Variants in SCNN1B observed in about 807,000 individuals in gnomAD.
The protein encoded by SCNN1B is epithelial sodium channel subunit beta.
Under a neutral mutation model 65.3 loss-of-function variants are expected in SCNN1B, and 46 were observed. The ratio of observed to expected loss-of-function variants is 0.70; its 90% CI spans 0.56 to 0.90. The LOEUF (loss-of-function observed/expected upper bound fraction) is 0.90, where lower values mean the gene tolerates loss of function less well. Among genes scored for constraint, SCNN1B ranks in the 40% least tolerant of loss-of-function variants. The pLI, the probability that SCNN1B is intolerant of heterozygous loss-of-function variation, is 0.00. For synonymous variants in SCNN1B, 349 were observed against 330.6 expected (o/e 1.06, Z -0.60); for missense variants, 751 against 830.5 (o/e 0.90, Z 1.18).
intron 1 of SCNN1B, among the ~76,000 whole-genome samples, chr16:23,311,154 T>C (rs1439664184): frequency 2.0e-5 from 3 of 152,244 alleles, no homozygotes; most frequent in African/African-American, 4.8e-5. Context: ...TATCTCTGCA[T>C]TGGGCACAAC....
At chr16:23,313,362 T>A (rs910939385) in intron 1 of SCNN1B, among the ~76,000 whole-genome samples, 2 of 152,198 alleles carry the variant, frequency 1.3e-5, no homozygotes, top group Non-Finnish European at 2.9e-5. Flanking sequence ...GTATTCTTGT[T>A]GGATCTTATG....
chr16:23,282,317 A>C (rs999107815), intron 1 of SCNN1B, among the ~76,000 whole-genome samples: 1 of 152,220 alleles, frequency 6.6e-6, no homozygotes, highest in Non-Finnish European at 1.5e-5. Context: ...AACATTTATT[A>C]GGTGCCAAGA....
chr16:23,304,806 C>A (rs1961160263), intron 1 of SCNN1B, among the ~76,000 whole-genome samples: 1 of 152,170 alleles, frequency 6.6e-6, no homozygotes, highest in Admixed American at 6.5e-5. Flanking sequence ...CTAGTTCAGG[C>A]AATTCCCTTC....
chr16:23,329,693 T>G (rs1961770721), intron 1 of SCNN1B, among the ~76,000 whole-genome samples: 1 of 152,130 alleles, frequency 6.6e-6, no homozygotes, highest in Admixed American at 6.6e-5. Context: ...CCTGACCAAC[T>G]CCCCAGTAAG....
rs1218632161 is a variant in SCNN1B at position 23,377,581 on chromosome 16, TCCCTCCC to T, written c.1404+196_1404+202del. 0.029 allele frequency among the ~76,000 whole-genome samples: 4,201 copies of T among 146,512 alleles called. 223 individuals carry two copies. The highest frequency in any genetic ancestry group is 0.1 in the African/African-American group (3,984 of 39,454). On this transcript the variant is annotated intron_variant, in intron 10 of 12. Coordinates refer to ENST00000343070, the MANE Select transcript of SCNN1B (RefSeq NM_000336.3). ...TCCTTCCTCCTCTCTTTTCCCTTCCTCCCTCCCTTCTCCCTTCCTTCCTTCCTTCTTT... is the reference window on the plus strand; with the variant it reads ...TCCTTCCTCCTCTCTTTTCCCTTCCTTTCTCCCTTCCTTCCTTCCTTCTTT...
At chr16:23,294,227 C>T (rs1960964419) in intron 2 of SCNN1B, among the ~76,000 whole-genome samples, 1 of 151,892 alleles carries the variant, frequency 6.6e-6, no homozygotes, top group Non-Finnish European at 1.5e-5. Context: ...TATTTTTAGT[C>T]TCTACTAAAA....
chr16:23,289,184 T>C (rs1960890038), intron 2 of SCNN1B, among the ~76,000 whole-genome samples: 1 of 152,230 alleles, frequency 6.6e-6, no homozygotes, highest in South Asian at 2.1e-4. Context: ...CCTTCGAAGA[T>C]GACTGAGGAG....
At chr16:23,288,333 C>T (rs1351282766) in intron 2 of SCNN1B, among the ~76,000 whole-genome samples, 1 of 152,148 alleles carries the variant, frequency 6.6e-6, no homozygotes, top group African/African-American at 2.4e-5. Context: ...TACAAATTTT[C>T]AAAATAATAA....
intron 2 of SCNN1B, among the ~76,000 whole-genome samples, chr16:23,293,450 A>G (rs549632729): frequency 6.6e-6 from 1 of 152,222 alleles, no homozygotes; most frequent in Non-Finnish European, 1.5e-5. Flanking sequence ...CACTTATACG[A>G]GGTCCCTAAG....
chr16:23,380,000 G>A, intron 11 of SCNN1B, 94 bp from the exon 12 acceptor site: 1 of 911,624 alleles, frequency 1.1e-6, no homozygotes, highest in Non-Finnish European at 1.8e-6. Context: ...GTGTGCACGT[G>A]CATGTGTGTG....
Position 23,323,941 on chromosome 16 carries a change from C to T in SCNN1B, c.-9+21504C>T, listed in dbSNP as rs576220510. On this transcript the variant is annotated intron_variant, in intron 1 of 12. Transcript: ENST00000343070. ...GCAACCACCTACACATTTCATCCTT[C>T]TTTCTCCCTAATGAATTACAGTAGC... Among the ~76,000 whole-genome samples, 16 of 152,328 alleles carry T rather than the reference C, an allele frequency of 1.1e-4. 1 individual carries two copies. The highest frequency in any genetic ancestry group is 3.8e-4 in the African/African-American group (16 of 41,574).
At chr16:23,324,210 C>T (rs1961646079) in intron 1 of SCNN1B, among the ~76,000 whole-genome samples, 1 of 145,736 alleles carries the variant, frequency 6.9e-6, no homozygotes. Flanking sequence ...TTTTTTGAGA[C>T]AGGGTCTTGC....
In SCNN1B at chr16:23,305,943, G is replaced by A. The variant is rs1050860698; in HGVS notation, c.-9+3506G>A. Among the ~76,000 whole-genome samples, 3 of 152,004 alleles carry A rather than the reference G, an allele frequency of 2.0e-5. No individual in the cohort carries two copies. The East Asian group carries it at 5.8e-4, about 30-fold the overall frequency. On this transcript the variant is annotated intron_variant, in intron 1 of 12. Transcript: ENST00000343070. ...ATCTCTATCTCCCAGCTATGCAGTG[G>A]ATTAATTACAAGTTTCAGGCCAGGC...
rs530646354 is a variant in SCNN1B, at chr16:23,340,168, T to A, written c.-8-8424T>A. ...AACTGTTTGTCTTATTATTTAGTTG[T>A]AAGAGTTCTTTATATATTCCGCATA... On this transcript the variant is annotated intron_variant, in intron 1 of 12. Transcript: ENST00000343070. Among the ~76,000 whole-genome samples, 17 of 152,376 alleles carry A rather than the reference T, an allele frequency of 1.1e-4. No individual in the cohort carries two copies. The South Asian group carries it at 3.1e-3, about 28-fold the overall frequency.
intron 1 of SCNN1B, among the ~76,000 whole-genome samples, chr16:23,325,327 T>C (rs576972163): frequency 7.9e-5 from 12 of 152,152 alleles, no homozygotes; most frequent in African/African-American, 2.9e-4. Context: ...AGTACGGTGG[T>C]GCGATCTCAG....
chr16:23,346,286 A>G (rs541167847), intron 1 of SCNN1B, among the ~76,000 whole-genome samples: 1 of 132,676 alleles, frequency 7.5e-6, no homozygotes, highest in Admixed American at 9.2e-5. Flanking sequence ...ATCTCAGCTC[A>G]GTGCAATCTC....
At position 23,348,786 on chromosome 16, in the gene SCNN1B, G is replaced by A. The variant is rs1039766661; in HGVS notation, c.187G>A (p.Val63Ile). 13 of 1,614,014 alleles carry A rather than the reference G, an allele frequency of 8.1e-6. No individual in the cohort carries two copies. Among genetic ancestry groups the A allele is most frequent in the South Asian group, 1.1e-5 (1 of 91,086 alleles). Residue 63 changes from valine (V) to isoleucine (I), a missense_variant, in exon 2 of 13, where the codon GTC (valine) becomes ATC (isoleucine). Val to Ile is a conservative substitution (Grantham distance 29, BLOSUM62 3). Transcript: ENST00000343070. This position sits in a 1 kb window ranked among gnomAD's most constrained non-coding sequence, Gnocchi z 4.5. ...GCTCACCCTGCTCTTCGCCGCCCTC[G>A]TCTGCTGGCAGTGGGGCATCTTCAT... The part of the protein sequence containing the change: ...FLLTLLFAAL[V>I]CWQWGIFIRT...
In SCNN1B at chr16:23,333,742, TG is replaced by T. The variant is rs1183961543; in HGVS notation, c.-8-14844del. On this transcript the variant is annotated intron_variant, in intron 1 of 12. Transcript: ENST00000343070. ...ATCCCAGCACTTTGGGAGGCCAAGGTGGGGGGATTGCTTGAGCCCAGGAGTT... is the reference window on the plus strand; with the variant it reads ...ATCCCAGCACTTTGGGAGGCCAAGGTGGGGGATTGCTTGAGCCCAGGAGTT... 3.3e-5 allele frequency among the ~76,000 whole-genome samples: 5 copies of T among 152,112 alleles called. No individual in the cohort carries two copies. The East Asian group carries it at 7.7e-4, about 23-fold the overall frequency.
upstream of SCNN1B, among the ~76,000 whole-genome samples, chr16:23,300,683 T>C (rs1961062750): frequency 6.6e-6 from 1 of 152,016 alleles, no homozygotes; most frequent in African/African-American, 2.4e-5. Flanking sequence ...AAAAATAAAC[T>C]TTTTTTAATT....
Sources: allele counts gnomAD v4.1 joint callset (sites outside exome capture counted in the v4.1 genomes callset), GRCh38; gene constraint gnomAD v4.1.1; non-coding constraint Gnocchi (gnomAD v3.1); transcripts MANE v1.5; gene names NCBI Gene and HGNC (gene_info 2026-07-23, HGNC 2026-07-21).